BCORL1: variants seen among roughly 807,000 people sequenced by gnomAD.
BCORL1 encodes the protein BCL-6 corepressor-like protein 1.
A neutral mutation model predicts 87.6 loss-of-function variants in BCORL1; 7 were observed. That is an observed-to-expected ratio of 0.08 (90% CI 0.05 to 0.15). The LOEUF (loss-of-function observed/expected upper bound fraction) is 0.15, where lower values mean the gene tolerates loss of function less well. Ranked by LOEUF, BCORL1 falls within the 10% of genes least tolerant of loss-of-function variation. BCORL1 has a pLI of 1.00. For synonymous variants in BCORL1, 591 were observed against 634.4 expected (o/e 0.93, Z 1.03); for missense variants, 1,215 against 1,499.7 (o/e 0.81, Z 3.13).
intron 1 of BCORL1, among the ~76,000 whole-genome samples, chrX:129,988,903 C>T (rs1340669261): frequency 9.0e-6 from 1 of 111,497 alleles, no homozygotes; most frequent in Non-Finnish European, 1.9e-5. Flanking sequence ...TGACTATGAT[C>T]GCAGAGGTGA....
chrX:130,038,327 T>G (rs1305690274), intron 10 of BCORL1, among the ~76,000 whole-genome samples: 1 of 111,752 alleles, frequency 8.9e-6, no homozygotes, highest in Non-Finnish European at 1.9e-5. Flanking sequence ...GAGAGCCTAC[T>G]TCCTGGGCAA....
In BCORL1 at chrX:130,047,667, G is replaced by T. The variant is rs993491067; in HGVS notation, c.4841-3050G>T. Among the ~76,000 whole-genome samples the T allele has an allele frequency of 1.2e-4, 13 of 111,910 alleles. No individual in the cohort carries two copies. The East Asian group carries it at 3.1e-3, about 26-fold the overall frequency. On this transcript the variant is annotated intron_variant, in intron 11 of 13. Transcript: ENST00000540052. ...TGTGTGTCCTCTTGTGGGGAAGGGG[G>T]ACAGCAGTCATTTGAATGCATGTGT...
rs751509255 is a variant in BCORL1, at chrX:130,052,688, T to C, written c.5075+672T>C. 1.4e-4 allele frequency among the ~76,000 whole-genome samples: 16 copies of C among 112,826 alleles called. No individual in the cohort carries two copies. The Middle Eastern group carries it at 0.018, about 129-fold the overall frequency. On this transcript the variant is annotated intron_variant, in intron 13 of 13. Coordinates refer to ENST00000540052, the MANE Select transcript of BCORL1 (RefSeq NM_001379451.1). ...CCCACATGTCAGCGTGTGGAAGTGCTGGTTGAGAGAAGGAGAATGCGGGCT... is the reference window on the plus strand; with the variant it reads ...CCCACATGTCAGCGTGTGGAAGTGCCGGTTGAGAGAAGGAGAATGCGGGCT...
intron 7 of BCORL1, among the ~76,000 whole-genome samples, chrX:130,027,918 T>G (rs1338289787): frequency 8.9e-6 from 1 of 112,052 alleles, no homozygotes; most frequent in Admixed American, 9.5e-5. Context: ...AAGCTCTTGA[T>G]AATGGAGTTC....
At chrX:130,027,302 G>C (rs1474193931) in intron 7 of BCORL1, among the ~76,000 whole-genome samples, 1 of 112,939 alleles carries the variant, frequency 8.9e-6, no homozygotes, top group Non-Finnish European at 1.9e-5. Context: ...ATTCTGACTG[G>C]AAGTGCTATT....
intron 13 of BCORL1, among the ~76,000 whole-genome samples, chrX:130,052,269 G>C (rs1287191757): frequency 8.9e-6 from 1 of 112,170 alleles, no homozygotes; most frequent in Non-Finnish European, 1.9e-5. Flanking sequence ...ACTATTACTG[G>C]GTATAAAAGA....
At chrX:130,033,250 T>C (rs138419713) in intron 8 of BCORL1, among the ~76,000 whole-genome samples, 3,000 of 110,211 alleles carry the variant, frequency 0.027, 35 homozygotes, top group South Asian at 0.054. Flanking sequence ...CCCAGCTGAT[T>C]TTTTGTATTT....
chrX:129,984,300 C>T (rs2124293681), intron 1 of BCORL1, among the ~76,000 whole-genome samples: 1 of 72,820 alleles, frequency 1.4e-5, no homozygotes, highest in South Asian at 8.9e-4. Flanking sequence ...AGGGCGCAGG[C>T]GGCGCGCGGT....
intron 12 of BCORL1, 62 bp downstream of exon 12, chrX:130,050,856 G>T: frequency 9.9e-7 from 1 of 1,007,260 alleles, no homozygotes; most frequent in Non-Finnish European, 1.4e-6. Context: ...CCCTGTGGTG[G>T]TATCCCTTCT....
At chrX:129,982,422 T>A (rs1054902476), upstream of BCORL1, among the ~76,000 whole-genome samples, 3 of 110,363 alleles carry the variant, frequency 2.7e-5, no homozygotes, top group Non-Finnish European at 5.7e-5. Flanking sequence ...CTTTCGTCCC[T>A]CCCTCTCTTG....
chrX:129,995,735 C>T (rs1927519131), intron 1 of BCORL1, among the ~76,000 whole-genome samples: 2 of 111,996 alleles, frequency 1.8e-5, no homozygotes, highest in African/African-American at 3.2e-5. Flanking sequence ...CCACTACACC[C>T]GGCCAGAACG....
At chrX:130,055,708 G>T in intron 13 of BCORL1, 146 bp from the exon 14 acceptor site, 1 of 632,345 alleles carries the variant, frequency 1.6e-6, no homozygotes, top group African/African-American at 2.2e-5. Context: ...GGTTTAGCAG[G>T]GGACGGGGGA....
chrX:130,039,001 C>T (rs1373444898), intron 10 of BCORL1, 136 bp from the exon 11 acceptor site: 7 of 643,099 alleles, frequency 1.1e-5, no homozygotes, highest in Admixed American at 3.2e-5. Flanking sequence ...GTTCCCTTGT[C>T]CTAAGTCTTA....
At chrX:130,039,002 C>T (rs1190335211) in intron 10 of BCORL1, 135 bp from the exon 11 acceptor site, 1 of 656,200 alleles carries the variant, frequency 1.5e-6, no homozygotes, top group African/African-American at 2.2e-5. Context: ...TTCCCTTGTC[C>T]TAAGTCTTAA....
intron 11 of BCORL1, among the ~76,000 whole-genome samples, chrX:130,043,782 A>ATT (rs1194795876): frequency 2.4e-3 from 49 of 20,162 alleles, no homozygotes; most frequent in Non-Finnish European, 2.9e-3. Flanking sequence ...ATATATATAT[A>ATT]TATTTTTTTT....
At chrX:130,033,059 G>A (rs184912816) in intron 8 of BCORL1, among the ~76,000 whole-genome samples, 1 of 107,610 alleles carries the variant, frequency 9.3e-6, no homozygotes, top group East Asian at 2.9e-4. Context: ...CACCATGCCC[G>A]GCAATTTTTT....
intron 11 of BCORL1, among the ~76,000 whole-genome samples, chrX:130,047,092 T>C (rs1218439242): frequency 8.0e-5 from 9 of 111,829 alleles, no homozygotes; most frequent in African/African-American, 2.9e-4. Context: ...TCATTCCTTT[T>C]TATGGCTGAC....
intron 1 of BCORL1, among the ~76,000 whole-genome samples, chrX:129,997,573 C>A (rs749232336): frequency 9.1e-6 from 1 of 109,615 alleles, no homozygotes; most frequent in East Asian, 2.9e-4. Context: ...GTGGGCGGAT[C>A]GGAAGGTCAG....
intron 11 of BCORL1, among the ~76,000 whole-genome samples, chrX:130,050,375 T>C (rs752987226): frequency 9.1e-6 from 1 of 110,158 alleles, no homozygotes; most frequent in African/African-American, 3.3e-5. Flanking sequence ...GAGTTCAAGG[T>C]GCCGTGAGCT....
Sources: allele counts gnomAD v4.1 joint callset (sites outside exome capture counted in the v4.1 genomes callset), GRCh38; gene constraint gnomAD v4.1.1; transcripts MANE v1.5; gene names NCBI Gene and HGNC (gene_info 2026-07-23, HGNC 2026-07-21).